The following ARMC2 variants were observed in gnomAD, a reference collection of about 807,000 sequenced individuals.
The protein encoded by ARMC2 is armadillo repeat containing 2.
In ARMC2, 67 loss-of-function variants were observed where a neutral mutation model predicts 90.3. That is an observed-to-expected ratio of 0.74 (90% confidence interval 0.61 to 0.91). ARMC2 has a LOEUF of 0.91. Among genes scored for constraint, ARMC2 ranks in the 40% least tolerant of loss-of-function variants. The pLI, the probability that ARMC2 is intolerant of heterozygous loss-of-function variation, is 0.00. For synonymous variants in ARMC2, 393 were observed against 393.0 expected (o/e 1.00, Z 0.00); for missense variants, 920 against 1,030.9 (o/e 0.89, Z 1.47).
intron 10 of ARMC2, among the ~76,000 whole-genome samples, chr6:108,926,226 G>C (rs564846544): frequency 2.0e-5 from 3 of 152,294 alleles, no homozygotes; most frequent in Non-Finnish European, 4.4e-5. Context: ...CATGATGTCT[G>C]TCTGCATGGG....
intron 12 of ARMC2, among the ~76,000 whole-genome samples, chr6:108,947,998 G>C (rs1265240311): frequency 6.6e-6 from 1 of 152,242 alleles, no homozygotes; most frequent in African/African-American, 2.4e-5. Context: ...AGGAGAGAAT[G>C]TGTGCCTCAA....
the ARMC2 span, among the ~76,000 whole-genome samples, chr6:109,046,702 C>A: frequency 7.4e-6 from 1 of 135,510 alleles, no homozygotes; most frequent in Non-Finnish European, 1.6e-5. Flanking sequence ...GGCCGCCCAT[C>A]GTCTGAGATG....
At chr6:108,996,021 T>G in the ARMC2 span, among the ~76,000 whole-genome samples, 1 of 152,160 alleles carries the variant, frequency 6.6e-6, no homozygotes, top group Non-Finnish European at 1.5e-5. Flanking sequence ...AGAGGACCAA[T>G]CATAATTTAT....
At chr6:108,887,470 A>G (rs1770482891) in intron 5 of ARMC2, among the ~76,000 whole-genome samples, 1 of 152,118 alleles carries the variant, frequency 6.6e-6, no homozygotes, top group African/African-American at 2.4e-5. Context: ...TGCCAGACCC[A>G]TTTTGCTTTA....
At chr6:109,041,944 G>T in the ARMC2 span, among the ~76,000 whole-genome samples, 8 of 151,962 alleles carry the variant, frequency 5.3e-5, no homozygotes, top group African/African-American at 1.9e-4. Flanking sequence ...AATACATCAT[G>T]GCCATAAAAT....
chr6:108,951,062 T>C lies in ARMC2; in HGVS notation c.1597-1971T>C, dbSNP rs536723850. On this transcript the variant is annotated intron_variant, in intron 12 of 17. Coordinates refer to ENST00000392644, the MANE Select transcript of ARMC2 (RefSeq NM_032131.6). Reference sequence around the variant, plus strand: ...TCAGTACAATTTGTGCTTTGCCTGTTGTATCTCATGTGATCTCACAGTAAG... The same window carrying C: ...TCAGTACAATTTGTGCTTTGCCTGTCGTATCTCATGTGATCTCACAGTAAG... Among the ~76,000 whole-genome samples, 11 of 152,322 alleles carry C rather than the reference T, an allele frequency of 7.2e-5. No individual in the cohort carries two copies. The South Asian group carries it at 2.1e-3, about 29-fold the overall frequency.
chr6:108,854,759 TA>T (rs1562317092), intron 2 of ARMC2, among the ~76,000 whole-genome samples: 2 of 152,364 alleles, frequency 1.3e-5, no homozygotes, highest in African/African-American at 4.8e-5. Flanking sequence ...TCAAAGGCTG[TA>T]GTTCACATTG....
chr6:109,049,681 A>AC, the ARMC2 span, among the ~76,000 whole-genome samples: 5 of 150,806 alleles, frequency 3.3e-5, no homozygotes, highest in African/African-American at 1.2e-4. Context: ...AAAAAATAAA[A>AC]AGGAGAGGGG....
chr6:109,025,554 C>G, the ARMC2 span, among the ~76,000 whole-genome samples: 2 of 149,282 alleles, frequency 1.3e-5, no homozygotes, highest in Admixed American at 1.4e-4. Context: ...ACTTTGGATA[C>G]TAGATACAGA....
chr6:108,928,707 C>T (rs971398289), intron 11 of ARMC2, among the ~76,000 whole-genome samples: 5 of 152,192 alleles, frequency 3.3e-5, no homozygotes, highest in Non-Finnish European at 1.5e-5. Context: ...TCTACACTTA[C>T]TTTATTTCTT....
chr6:108,874,835 T>TAA (rs879356888), intron 4 of ARMC2, among the ~76,000 whole-genome samples: 2 of 141,286 alleles, frequency 1.4e-5, no homozygotes, highest in East Asian at 2.0e-4. Flanking sequence ...TTTCTCATCT[T>TAA]AAAAAAAAAA....
intron 4 of ARMC2, among the ~76,000 whole-genome samples, chr6:108,869,456 T>C (rs1042515496): frequency 1.3e-5 from 2 of 152,058 alleles, no homozygotes; most frequent in African/African-American, 4.8e-5. Context: ...TGCAGTGAGC[T>C]GAGATCGTGC....
At chr6:109,002,852 GAC>G in the ARMC2 span, among the ~76,000 whole-genome samples, 1 of 152,136 alleles carries the variant, frequency 6.6e-6, no homozygotes, top group Admixed American at 6.5e-5. Flanking sequence ...ATTCACAAGA[GAC>G]AGCACTACAG....
the ARMC2 span, among the ~76,000 whole-genome samples, chr6:109,032,204 G>A: frequency 0.092 from 13,969 of 152,054 alleles, 857 homozygotes; most frequent in Middle Eastern, 0.21. Flanking sequence ...CCTGGAAGGC[G>A]GAGGTTGCGG....
At chr6:108,894,193 G>A (rs1455693250) in intron 5 of ARMC2, among the ~76,000 whole-genome samples, 1 of 151,868 alleles carries the variant, frequency 6.6e-6, no homozygotes, top group Non-Finnish European at 1.5e-5. Flanking sequence ...GTGAGACCCT[G>A]TCTCTACAAA....
the ARMC2 span, chr6:108,988,731 A>AC: frequency 6.7e-7 from 1 of 1,483,050 alleles, no homozygotes; most frequent in Non-Finnish European, 9.1e-7. Flanking sequence ...TCAGTGTATA[A>AC]CCTGTTTTCA....
chr6:108,861,977 A>G (rs1186656907), intron 3 of ARMC2, among the ~76,000 whole-genome samples: 5 of 152,128 alleles, frequency 3.3e-5, no homozygotes, highest in East Asian at 3.8e-4. Context: ...CTAAGACAAG[A>G]TAGGCATTTA....
chr6:108,953,416 C>A (rs1777348325), intron 13 of ARMC2, 65 bp downstream of exon 13: 1 of 1,465,478 alleles, frequency 6.8e-7, no homozygotes, highest in Non-Finnish European at 9.1e-7. Flanking sequence ...AAAGACAGTT[C>A]TGTGTCTGTG....
intron 10 of ARMC2, among the ~76,000 whole-genome samples, chr6:108,915,556 A>G (rs1773874483): frequency 6.6e-6 from 1 of 152,194 alleles, no homozygotes; most frequent in Admixed American, 6.5e-5. Flanking sequence ...GCTCATTGAA[A>G]GAGTGGAAAA....
Sources: gnomAD v4.1 joint callset for allele counts (sites outside exome capture counted in the v4.1 genomes callset) on GRCh38, gnomAD v4.1.1 for gene constraint, MANE v1.5 for transcripts, NCBI Gene and HGNC (gene_info 2026-07-23, HGNC 2026-07-21) for gene names.